ARID4A: variants seen among roughly 807,000 people sequenced by gnomAD.
The protein encoded by ARID4A is AT-rich interaction domain 4A.
ARID4A carries 39 observed loss-of-function variants against 148.6 expected under a neutral mutation model. The ratio of observed to expected loss-of-function variants is 0.26; its 90% CI spans 0.20 to 0.34. The LOEUF is 0.34. ARID4A is among the 10% of genes least tolerant of loss of function. ARID4A has a pLI of 1.00. For synonymous variants in ARID4A, 475 were observed against 481.2 expected, an observed-to-expected ratio of 0.99 and a Z score of 0.17; for missense variants, 1,265 against 1,449.1, an observed-to-expected ratio of 0.87 and a Z score of 2.06.
chr14:58,323,674 ATT>A, intron 8 of ARID4A, 57 bp downstream of exon 8: 1 of 1,463,512 alleles, frequency 6.8e-7, no homozygotes, highest in South Asian at 1.2e-5. Flanking sequence ...TTTTAAATGG[ATT>A]TTTTTAAAAG....
rs369759000 is a variant in ARID4A at position 58,366,063 on chromosome 14, A to G, written c.3356A>G (p.Asn1119Ser). ...SDSEDLPVLD[N>S]SSKCTPVKHL... ...AGTGAAGATCTTCCTGTCCTAGACA[A>G]TTCAAGTAAATGTACCCCAGTAAAG... Residue 1119 changes from asparagine to serine, a missense_variant, in exon 22 of 24, where the codon AAT becomes AGT. Coordinates refer to ENST00000355431, the MANE Select transcript of ARID4A (RefSeq NM_002892.4). The G allele has an allele frequency of 2.5e-6, 4 of 1,613,696 alleles. No homozygotes were observed. The highest frequency in any genetic ancestry group is 1.7e-5 in the Admixed American group (1 of 59,998).
chr14:58,368,690 C>T (rs76570179), intron 23 of ARID4A, among the ~76,000 whole-genome samples: 2,010 of 151,438 alleles, frequency 0.013, 92 homozygotes, highest in South Asian at 0.11. Context: ...TTATTTTTTT[C>T]AGATTTTGGA....
In ARID4A at chr14:58,325,908, A is replaced by G. The variant is rs58088251; in HGVS notation, c.582+2291A>G. On this transcript the variant is annotated intron_variant, in intron 8 of 23. Coordinates refer to ENST00000355431, the MANE Select transcript of ARID4A (RefSeq NM_002892.4). Reference sequence around the variant, plus strand: ...TATTTACTCAGATTTATCATTTACCAGGGGATATTGAAAATAAAAAATAAG... The same window carrying G: ...TATTTACTCAGATTTATCATTTACCGGGGGATATTGAAAATAAAAAATAAG... Among the ~76,000 whole-genome samples, 8 of 152,124 alleles carry G rather than the reference A, an allele frequency of 5.3e-5. No homozygotes were observed. In the East Asian group the frequency reaches 1.4e-3, roughly 26 times the overall value.
At chr14:58,305,054 A>C in intron 4 of ARID4A, 45 bp downstream of exon 4, 1 of 1,458,432 alleles carries the variant, frequency 6.9e-7, no homozygotes, top group South Asian at 1.3e-5. Flanking sequence ...TCATAGATTT[A>C]TACCATATTT....
intron 10 of ARID4A, 151 bp from the exon 11 acceptor site, chr14:58,329,852 A>T: frequency 7.7e-7 from 1 of 1,292,720 alleles, no homozygotes; most frequent in African/African-American, 1.5e-5. Context: ...ATATAACATT[A>T]TAACTTATGA....
chr14:58,321,569 A>C (rs1029803091), intron 7 of ARID4A, among the ~76,000 whole-genome samples: 9 of 152,248 alleles, frequency 5.9e-5, no homozygotes, highest in African/African-American at 2.2e-4. Context: ...GGCCATTTCT[A>C]CAAGGGTCCC....
chr14:58,330,873 C>T (rs1357247989), intron 11 of ARID4A, among the ~76,000 whole-genome samples: 1 of 151,986 alleles, frequency 6.6e-6, no homozygotes, highest in African/African-American at 2.4e-5. Context: ...TATATGAATA[C>T]TGTTGTTTAT....
chr14:58,325,727 A>G (rs1321129932), intron 8 of ARID4A, among the ~76,000 whole-genome samples: 2 of 152,168 alleles, frequency 1.3e-5, no homozygotes, highest in African/African-American at 2.4e-5. Context: ...GCATGTAAAT[A>G]TATTACTCAG....
Position 58,346,522 on chromosome 14 carries a change from T to C in ARID4A, c.1074+17T>C. 1 of 1,537,160 alleles carries C rather than the reference T, an allele frequency of 6.5e-7. No homozygotes were observed. Among genetic ancestry groups the C allele is most frequent in the Non-Finnish European group, 9.0e-7 (1 of 1,114,552 alleles). On this transcript the variant is annotated intron_variant, in intron 13 of 23. Transcript: ENST00000355431. ...TGTGACAATGTAAGTATAACATTGCTTTTTGAAACATGTATTGATGTGGTA... is the reference window on the plus strand; with the variant it reads ...TGTGACAATGTAAGTATAACATTGCCTTTTGAAACATGTATTGATGTGGTA...
chr14:58,324,143 G>A (rs189622819), intron 8 of ARID4A, among the ~76,000 whole-genome samples: 40 of 151,870 alleles, frequency 2.6e-4, no homozygotes, highest in Non-Finnish European at 4.6e-4. Flanking sequence ...TGACCTCATG[G>A]TCCGCCCACC....
intron 11 of ARID4A, among the ~76,000 whole-genome samples, chr14:58,332,667 A>C (rs1331568986): frequency 6.6e-6 from 1 of 152,172 alleles, no homozygotes; most frequent in African/African-American, 2.4e-5. Context: ...AAAATCTGAT[A>C]AGCCATGGCC....
At chr14:58,337,267 T>TATATATATATATATATATATATAA (rs1411261595) in intron 11 of ARID4A, among the ~76,000 whole-genome samples, 1 of 137,760 alleles carries the variant, frequency 7.3e-6, no homozygotes, top group South Asian at 2.3e-4. Context: ...TATATATATA[T>TATATATATATATATATATATATAA]AATTAAAACC....
At chr14:58,329,948 A>C in intron 10 of ARID4A, 55 bp from the exon 11 acceptor site, 1 of 1,543,038 alleles carries the variant, frequency 6.5e-7, no homozygotes, top group South Asian at 1.3e-5. Context: ...TGCCTTTTCT[A>C]TTGTTCTATG....
chr14:58,342,065 T>G (rs1317573181), intron 11 of ARID4A, among the ~76,000 whole-genome samples: 1 of 152,172 alleles, frequency 6.6e-6, no homozygotes, highest in Non-Finnish European at 1.5e-5. Flanking sequence ...CATACAAAAG[T>G]CACGAAGGCA....
chr14:58,323,411 A>G (rs1430258653), intron 7 of ARID4A, 74 bp from the exon 8 acceptor site: 28 of 1,513,462 alleles, frequency 1.9e-5, no homozygotes, highest in Non-Finnish European at 2.4e-5. Context: ...TGAATTGACT[A>G]TATTAAATTC....
intron 9 of ARID4A, among the ~76,000 whole-genome samples, chr14:58,328,705 G>A (rs1397542841): frequency 6.6e-6 from 1 of 151,912 alleles, no homozygotes; most frequent in Non-Finnish European, 1.5e-5. Context: ...TTACAATCCA[G>A]ACTTTTGGGC....
At chr14:58,315,035 C>T (rs969490698) in intron 5 of ARID4A, among the ~76,000 whole-genome samples, 8 of 152,112 alleles carry the variant, frequency 5.3e-5, no homozygotes, top group Non-Finnish European at 7.4e-5. Context: ...ACGAGAATCA[C>T]TTGAATCTGG....
At chr14:58,326,174 A>G (rs1430341092) in intron 8 of ARID4A, among the ~76,000 whole-genome samples, 1 of 152,202 alleles carries the variant, frequency 6.6e-6, no homozygotes, top group Admixed American at 6.5e-5. Context: ...AAAAAATAGC[A>G]TGCCTGTAAT....
chr14:58,353,932 G>T, intron 17 of ARID4A, 77 bp downstream of exon 17: 1 of 1,293,688 alleles, frequency 7.7e-7, no homozygotes, highest in Non-Finnish European at 1.1e-6. Context: ...GTTATGAAGA[G>T]TGAAAGCAAA....
Sources: allele counts gnomAD v4.1 joint callset (sites outside exome capture counted in the v4.1 genomes callset), GRCh38; gene constraint gnomAD v4.1.1; transcripts MANE v1.5; gene names NCBI Gene and HGNC (gene_info 2026-07-23, HGNC 2026-07-21).